AKAP13: variants seen among roughly 807,000 people sequenced by gnomAD.
The protein encoded by AKAP13 is A-kinase anchor protein 13.
In AKAP13, 80 loss-of-function variants were observed where a neutral mutation model predicts 264.5. The ratio of observed to expected loss-of-function variants is 0.30; its 90% CI spans 0.25 to 0.36. AKAP13 has a LOEUF of 0.36. AKAP13 is among the 10% of genes least tolerant of loss of function. The pLI, the probability that AKAP13 is intolerant of heterozygous loss-of-function variation, is 1.00. For synonymous variants in AKAP13, 1,380 were observed against 1,250.2 expected (o/e 1.10, Z -2.19); for missense variants, 3,712 against 3,435.2 (o/e 1.08, Z -2.01).
At chr15:85,408,249 C>T (rs1226962691) in intron 1 of AKAP13, among the ~76,000 whole-genome samples, 1 of 151,792 alleles carries the variant, frequency 6.6e-6, no homozygotes, top group African/African-American at 2.4e-5. Context: ...CAACTGCTTA[C>T]TGCATGCCAG....
intron 5 of AKAP13, among the ~76,000 whole-genome samples, chr15:85,549,876 TACA>T (rs1157393920): frequency 6.6e-6 from 1 of 152,214 alleles, no homozygotes; most frequent in Non-Finnish European, 1.5e-5. Context: ...TATGGTTGAT[TACA>T]TTTAAGCTAC....
At chr15:85,452,180 T>A (rs12915998) in intron 1 of AKAP13, among the ~76,000 whole-genome samples, 37,826 of 151,698 alleles carry the variant, frequency 0.25, 6,296 homozygotes, top group Non-Finnish European at 0.37. Flanking sequence ...ATTGTGAAAT[T>A]CTTGTAGTGT....
chr15:85,485,675 T>A (rs986310719), intron 1 of AKAP13, 35 bp from the exon 2 acceptor site: 1 of 1,602,642 alleles, frequency 6.2e-7, no homozygotes, highest in Admixed American at 1.7e-5. Context: ...TGACAACTTT[T>A]AATTTTATTC....
intron 1 of AKAP13, among the ~76,000 whole-genome samples, chr15:85,461,972 G>C (rs1277340632): frequency 6.6e-6 from 1 of 152,092 alleles, no homozygotes; most frequent in Admixed American, 6.5e-5. Context: ...TTGCATTCCA[G>C]TGTAAATCTT....
At chr15:85,722,561 T>G (rs1487241144) in intron 25 of AKAP13, among the ~76,000 whole-genome samples, 2 of 152,230 alleles carry the variant, frequency 1.3e-5, no homozygotes, top group Non-Finnish European at 2.9e-5. Context: ...ACACATTGAT[T>G]CCATCCAGAG....
intron 8 of AKAP13, among the ~76,000 whole-genome samples, chr15:85,588,267 C>T (rs2079441124): frequency 1.3e-5 from 2 of 152,174 alleles, no homozygotes; most frequent in Admixed American, 1.3e-4. Flanking sequence ...GCTGACTGTT[C>T]TAACCCGCCC....
At chr15:85,412,577 C>A (rs2072028892) in intron 1 of AKAP13, among the ~76,000 whole-genome samples, 2 of 152,088 alleles carry the variant, frequency 1.3e-5, no homozygotes, top group African/African-American at 4.8e-5. Context: ...ATAAATTTTT[C>A]AGTTTTAATT....
At position 85,748,483 on chromosome 15, in the gene AKAP13, C is replaced by T. The variant is rs1344650010; in HGVS notation, c.*3806C>T. On this transcript the variant is annotated 3_prime_UTR_variant, in exon 37 of 37. Coordinates refer to ENST00000394518, the MANE Select transcript of AKAP13 (RefSeq NM_007200.5). The stretch of plus-strand genomic sequence containing the variant: ...GGATGCGTCCCAGCCAGCCCCGTCG[C>T]TCTCGTCCATCCTCAGAGACAAAGA... 3 of 152,292 alleles carry T rather than the reference C, an allele frequency of 2.0e-5. No individual in the cohort carries two copies. The highest frequency in any genetic ancestry group is 6.5e-5 in the Admixed American group (1 of 15,290). 9.4% of individuals were successfully genotyped at this position (152,292 alleles called of 1,614,324 possible).
chr15:85,579,341 A>G lies in AKAP13; in HGVS notation c.1273A>G (p.Thr425Ala). ...GTCCTGTGGAAACAGAAATGAAGAA[A>G]CTGGAACAAAATCTTCTGGAATGCC... ...LSSCGNRNEE[T>A]GTKSSGMPTD... The change falls in exon 7 of 37, where the codon ACT becomes GCT. Residue 425 changes from threonine (T) to alanine (A), a missense_variant. Coordinates refer to ENST00000394518, the MANE Select transcript of AKAP13 (RefSeq NM_007200.5). 3 of 1,614,222 alleles carry G rather than the reference A, an allele frequency of 1.9e-6. No homozygotes were observed. Among genetic ancestry groups the G allele is most frequent in the Non-Finnish European group, 2.5e-6 (3 of 1,180,036 alleles).
At chr15:85,737,551 T>G (rs2088633177) in intron 33 of AKAP13, among the ~76,000 whole-genome samples, 1 of 152,206 alleles carries the variant, frequency 6.6e-6, no homozygotes, top group Non-Finnish European at 1.5e-5. Context: ...TCTTTCCTTT[T>G]TCCCCCTAAA....
chr15:85,612,938 C>T (rs1186134367), intron 8 of AKAP13, among the ~76,000 whole-genome samples: 1 of 151,994 alleles, frequency 6.6e-6, no homozygotes, highest in East Asian at 1.9e-4. Context: ...CAAAAATTTG[C>T]ACTTACGGGC....
intron 1 of AKAP13, among the ~76,000 whole-genome samples, chr15:85,416,009 A>G (rs969567473): frequency 6.6e-6 from 1 of 152,180 alleles, no homozygotes; most frequent in African/African-American, 2.4e-5. Context: ...ATGAGTCAGT[A>G]TGGTAAATGT....
chr15:85,657,050 A>G (rs949994987), intron 11 of AKAP13, among the ~76,000 whole-genome samples: 1 of 152,068 alleles, frequency 6.6e-6, no homozygotes, highest in Non-Finnish European at 1.5e-5. Flanking sequence ...AGAGGATGAG[A>G]TGGGAGGATT....
intron 1 of AKAP13, among the ~76,000 whole-genome samples, chr15:85,463,039 AAAAAG>A (rs2151004198): frequency 6.6e-6 from 1 of 150,790 alleles, no homozygotes; most frequent in South Asian, 2.1e-4. Flanking sequence ...AAAAAAAAAA[AAAAAG>A]AAATAAAAAT....
chr15:85,465,491 T>A (rs2074698447), intron 1 of AKAP13, among the ~76,000 whole-genome samples: 1 of 102,854 alleles, frequency 9.7e-6, no homozygotes, highest in Admixed American at 1.0e-4. Context: ...CCTAATGCTA[T>A]CCCTCCCCCC....
chr15:85,644,473 G>A (rs959103282), intron 9 of AKAP13, among the ~76,000 whole-genome samples: 31 of 151,074 alleles, frequency 2.1e-4, no homozygotes, highest in African/African-American at 7.5e-4. Flanking sequence ...AACTCTGGCC[G>A]CAGGTGATCC....
At position 85,531,442 on chromosome 15, in the gene AKAP13, C is replaced by G. The variant is rs75369379; in HGVS notation, c.182-2142C>G. On this transcript the variant is annotated intron_variant, in intron 3 of 36. Coordinates refer to ENST00000394518, the MANE Select transcript of AKAP13 (RefSeq NM_007200.5). ...CTTGATGGATGTCTAGCTTTTAGCT[C>G]TTGAACAAAACTGAGTCAGATGTTA... Among the ~76,000 whole-genome samples, 1,092 of 152,270 alleles carry G rather than the reference C, an allele frequency of 7.2e-3. 7 individuals carry two copies. The highest frequency in any genetic ancestry group is 0.014 in the Middle Eastern group (4 of 294).
chr15:85,693,551 A>T lies in AKAP13; in HGVS notation c.5464+100A>T, dbSNP rs192385906. 1,572 of 1,538,854 alleles carry T rather than the reference A, an allele frequency of 1.0e-3. 2 individuals are homozygous for T. The highest frequency in any genetic ancestry group is 1.4e-3 in the Admixed American group (58 of 41,694). On this transcript the variant is annotated intron_variant, in intron 17 of 36. Coordinates refer to ENST00000394518, the MANE Select transcript of AKAP13 (RefSeq NM_007200.5). ...CCCACTCATTATCTGTTCCTCATTT[A>T]TGTGGAGAAGTAACCCTTTTTATAT...
chr15:85,642,795 A>C (rs2082370161), intron 9 of AKAP13, among the ~76,000 whole-genome samples: 1 of 152,126 alleles, frequency 6.6e-6, no homozygotes, highest in South Asian at 2.1e-4. Flanking sequence ...ATCGTGAGCT[A>C]GTTTGTTTTC....
Sources: gnomAD v4.1 joint callset for allele counts (sites outside exome capture counted in the v4.1 genomes callset) on GRCh38, gnomAD v4.1.1 for gene constraint, MANE v1.5 for transcripts, NCBI Gene and HGNC (gene_info 2026-07-23, HGNC 2026-07-21) for gene names.